RAB7A: variants seen among roughly 807,000 people sequenced by gnomAD.
The protein encoded by RAB7A is RAB7A, member RAS oncogene family.
A neutral mutation model predicts 24.5 loss-of-function variants in RAB7A; 2 were observed. The observed-to-expected ratio is 0.08, with a 90% CI of 0.03 to 0.26. The LOEUF (loss-of-function observed/expected upper bound fraction) is 0.26, where lower values mean the gene tolerates loss of function less well. RAB7A is among the 10% of genes least tolerant of loss of function. The pLI is 1.00. For missense variants in RAB7A, 118 were observed against 255.7 expected, an observed-to-expected ratio of 0.46 and a Z score of 3.67; for synonymous variants, 100 against 95.9, an observed-to-expected ratio of 1.04 and a Z score of -0.25.
intron 3 of RAB7A, among the ~76,000 whole-genome samples, chr3:128,801,621 G>C (rs754100182): frequency 3.9e-5 from 6 of 152,164 alleles, no homozygotes; most frequent in Non-Finnish European, 7.3e-5. Context: ...AATCATAGCA[G>C]ATTGGCCACA....
chr3:128,753,475 T>A lies in RAB7A; in HGVS notation c.-9+27116T>A, dbSNP rs150284131. 2.6e-3 allele frequency among the ~76,000 whole-genome samples: 400 copies of A among 152,266 alleles called. 4 individuals are homozygous for A. The highest frequency in any genetic ancestry group is 9.1e-3 in the African/African-American group (377 of 41,538). ...GTGTGTTTAACCTCAATAAAAAATA[T>A]TTTAAAAAATGAGGGTGGAATTAAA... On this transcript the variant is annotated intron_variant, in intron 1 of 5. Transcript: ENST00000265062.
intron 4 of RAB7A, among the ~76,000 whole-genome samples, chr3:128,806,936 T>C (rs969503639): frequency 2.0e-5 from 3 of 152,276 alleles, no homozygotes; most frequent in Non-Finnish European, 4.4e-5. Flanking sequence ...GTGTGCAGAA[T>C]ATTGCTTTGG....
At position 128,812,159 on chromosome 3, in the gene RAB7A, A is replaced by G. The variant is rs114688854; in HGVS notation, c.529-1168A>G. ...ATGTGAGTTAAAACCCAGCAAAGCT[A>G]TTAGGAGTGCAATGGCACCATCTTG... On this transcript the variant is annotated intron_variant, in intron 5 of 5. Transcript: ENST00000265062. Among the ~76,000 whole-genome samples, 218 of 152,268 alleles carry G rather than the reference A, an allele frequency of 1.4e-3. 3 individuals are homozygous for G. The highest frequency in any genetic ancestry group is 4.9e-3 in the African/African-American group (203 of 41,538).
chr3:128,747,534 C>T (rs529337489), intron 1 of RAB7A, among the ~76,000 whole-genome samples: 6 of 150,154 alleles, frequency 4.0e-5, no homozygotes, highest in East Asian at 2.0e-4. Flanking sequence ...TGCAGTGAGC[C>T]GAGATCACGC....
At chr3:128,779,185 G>A (rs1164182568) in intron 1 of RAB7A, among the ~76,000 whole-genome samples, 2 of 152,124 alleles carry the variant, frequency 1.3e-5, no homozygotes, top group Admixed American at 6.5e-5. Flanking sequence ...AGGCTGAGGC[G>A]GGCAGATTAC....
At chr3:128,781,543 G>T (rs1933221840) in intron 1 of RAB7A, among the ~76,000 whole-genome samples, 1 of 152,074 alleles carries the variant, frequency 6.6e-6, no homozygotes. Flanking sequence ...GGGCATGGTG[G>T]CGTGTGCCTG....
At chr3:128,773,424 T>TG (rs1413353641) in intron 1 of RAB7A, among the ~76,000 whole-genome samples, 1 of 143,482 alleles carries the variant, frequency 7.0e-6, no homozygotes, top group Non-Finnish European at 1.5e-5. Context: ...GGGAGGGAGG[T>TG]GGGGGGCAGC....
At chr3:128,773,155 G>C (rs1932994098) in intron 1 of RAB7A, among the ~76,000 whole-genome samples, 1 of 151,822 alleles carries the variant, frequency 6.6e-6, no homozygotes, top group Non-Finnish European at 1.5e-5. Context: ...GAGCGTCTCT[G>C]CCCGGCTGCC....
At chr3:128,791,756 G>C (rs1229958824) in intron 1 of RAB7A, among the ~76,000 whole-genome samples, 1 of 152,192 alleles carries the variant, frequency 6.6e-6, no homozygotes, top group East Asian at 1.9e-4. Flanking sequence ...TGTCAAAAGA[G>C]ATACTTGCAC....
intron 1 of RAB7A, among the ~76,000 whole-genome samples, chr3:128,780,614 G>A (rs1933197579): frequency 6.6e-6 from 1 of 152,176 alleles, no homozygotes; most frequent in Non-Finnish European, 1.5e-5. Flanking sequence ...TGTTTGAACT[G>A]GATTTGGTGT....
chr3:128,753,874 A>G (rs2070708312), intron 1 of RAB7A, among the ~76,000 whole-genome samples: 1 of 152,096 alleles, frequency 6.6e-6, no homozygotes, highest in Admixed American at 6.6e-5. Context: ...CCTAGGCTCA[A>G]GTGATCCTTC....
chr3:128,755,841 A>G (rs1246006226), intron 1 of RAB7A, among the ~76,000 whole-genome samples: 6 of 152,198 alleles, frequency 3.9e-5, no homozygotes, highest in Admixed American at 2.6e-4. Context: ...ATATGTATAC[A>G]TGTGCCATGC....
chr3:128,771,763 G>A (rs1480196895), intron 1 of RAB7A, among the ~76,000 whole-genome samples: 1 of 152,236 alleles, frequency 6.6e-6, no homozygotes, highest in African/African-American at 2.4e-5. Context: ...GCGTCTGGGA[G>A]TCTCTTCGTT....
chr3:128,785,746 CAAAAAAA>C (rs35368201), intron 1 of RAB7A, among the ~76,000 whole-genome samples: 24 of 86,720 alleles, frequency 2.8e-4, no homozygotes, highest in African/African-American at 1.0e-3. Context: ...AAGACTGTCT[CAAAAAAA>C]AAAAAAAAAA....
At chr3:128,739,410 G>A (rs2070527568) in intron 1 of RAB7A, among the ~76,000 whole-genome samples, 1 of 151,966 alleles carries the variant, frequency 6.6e-6, no homozygotes, top group Non-Finnish European at 1.5e-5. Context: ...CTACTCAGGA[G>A]GGTAAGGCAG....
chr3:128,805,841 A>G (rs1228990313), intron 3 of RAB7A, among the ~76,000 whole-genome samples: 2 of 152,126 alleles, frequency 1.3e-5, no homozygotes, highest in Non-Finnish European at 1.5e-5. Flanking sequence ...TAGTAGAGAC[A>G]GGGTTTCTCC....
intron 1 of RAB7A, 163 bp from the exon 2 acceptor site, chr3:128,795,197 A>T: frequency 1.4e-6 from 1 of 689,878 alleles, no homozygotes. Flanking sequence ...AGTTTTGGTG[A>T]GTGATACTGT....
At chr3:128,798,142 A>T (rs1461951128) in intron 3 of RAB7A, 73 bp downstream of exon 3, 1 of 1,554,224 alleles carries the variant, frequency 6.4e-7, no homozygotes. Flanking sequence ...TCATGCATAG[A>T]CATTTTCCTT....
chr3:128,767,792 G>A (rs2070846174), intron 1 of RAB7A, among the ~76,000 whole-genome samples: 1 of 152,218 alleles, frequency 6.6e-6, no homozygotes, highest in South Asian at 2.1e-4. Context: ...CTGAGGCAAT[G>A]CAGAGTGGCT....
Sources: gnomAD v4.1 joint callset for allele counts (sites outside exome capture counted in the v4.1 genomes callset) on GRCh38, gnomAD v4.1.1 for gene constraint, MANE v1.5 for transcripts, NCBI Gene and HGNC (gene_info 2026-07-23, HGNC 2026-07-21) for gene names.